Variants in ZFYVE26 observed in about 807,000 individuals in gnomAD.
ZFYVE26 encodes the protein zinc finger FYVE domain-containing protein 26.
A neutral mutation model predicts 276.5 loss-of-function variants in ZFYVE26; 181 were observed. The observed-to-expected ratio is 0.65, with a 90% CI of 0.58 to 0.74. The LOEUF (loss-of-function observed/expected upper bound fraction) is 0.74. ZFYVE26 is among the 30% of genes least tolerant of loss of function. The pLI is 0.00. For synonymous variants in ZFYVE26, 1,129 were observed against 1,203.1 expected (o/e 0.94, Z 1.27); for missense variants, 2,821 against 3,097.9 (o/e 0.91, Z 2.12).
chr14:67,794,111 T>TG, intron 13 of ZFYVE26, 60 bp downstream of exon 13: 1 of 1,552,440 alleles, frequency 6.4e-7, no homozygotes, highest in East Asian at 2.2e-5. Context: ...CCATGGTGTA[T>TG]GGCAACTCTA....
intron 27 of ZFYVE26, among the ~76,000 whole-genome samples, chr14:67,772,628 A>G (rs965435828): frequency 6.6e-6 from 1 of 152,176 alleles, no homozygotes; most frequent in African/African-American, 2.4e-5. Context: ...GAGGCAGGGA[A>G]CCTATTGATT....
chr14:67,789,687 T>C, intron 15 of ZFYVE26, 89 bp from the exon 16 acceptor site: 4 of 1,563,318 alleles, frequency 2.6e-6, no homozygotes, highest in Non-Finnish European at 3.5e-6. Flanking sequence ...TTTCAAAATG[T>C]TTGAGGTTCA....
intron 40 of ZFYVE26, among the ~76,000 whole-genome samples, chr14:67,752,014 G>A (rs553619694): frequency 7.9e-5 from 12 of 152,174 alleles, no homozygotes; most frequent in Non-Finnish European, 1.2e-4. Flanking sequence ...GGACAATTCC[G>A]CAGATAACAG....
At chr14:67,787,661 A>G (rs1187210723) in intron 16 of ZFYVE26, among the ~76,000 whole-genome samples, 1 of 152,204 alleles carries the variant, frequency 6.6e-6, no homozygotes, top group East Asian at 1.9e-4. Flanking sequence ...AGTGATTAAG[A>G]GCTTGAATAA....
chr14:67,804,341 CTT>C (rs1222000644), intron 8 of ZFYVE26, 77 bp from the exon 9 acceptor site: 17 of 1,533,056 alleles, frequency 1.1e-5, no homozygotes, highest in African/African-American at 2.7e-5. Context: ...TCCATTCCCT[CTT>C]GTTCTTCCTC....
chr14:67,793,839 A>G (rs1396554510), intron 13 of ZFYVE26, 80 bp from the exon 14 acceptor site: 2 of 1,578,230 alleles, frequency 1.3e-6, no homozygotes, highest in Non-Finnish European at 1.7e-6. Context: ...CCTCCCACCA[A>G]ACTTTTATCT....
Position 67,769,690 on chromosome 14 carries a change from A to G in ZFYVE26, c.5525T>C (p.Val1842Ala), listed in dbSNP as rs2039154156. The G allele has an allele frequency of 3.7e-6, 6 of 1,614,150 alleles. No individual in the cohort carries two copies. Among genetic ancestry groups the G allele is most frequent in the Non-Finnish European group, 3.4e-6 (4 of 1,180,006 alleles). The change falls in exon 29 of 42, where the codon GTG becomes GCG. Residue 1842 changes from valine (V) to alanine (A), a missense_variant. Physicochemically the swap from Val to Ala is moderately conservative, Grantham distance 64. Transcript: ENST00000347230. ...RHHCRRCGRLVCSSCSTKKMV... is the reference protein window; with the variant it reads ...RHHCRRCGRLACSSCSTKKMV... ...TTTCTTAGTGGAGCAGGAGCTGCAC[A>G]CTAGCCGGCCACAGCGGCGACAATG... is the stretch of plus-strand genomic sequence containing the variant.
Position 67,777,414 on chromosome 14 carries a change from C to G in ZFYVE26, c.4974+145G>C, listed in dbSNP as rs111394992. ...TAGCACAGGCCAGGGATGGCAGGTGCCTGGCAAAAGAGCCATTGAAAAGGC... is the reference window on the plus strand; with the variant it reads ...TAGCACAGGCCAGGGATGGCAGGTGGCTGGCAAAAGAGCCATTGAAAAGGC... On this transcript the variant is annotated intron_variant, in intron 25 of 41. Transcript: ENST00000347230. 1.8e-3 allele frequency: 2,381 copies of G among 1,301,914 alleles called. 34 individuals carry two copies. In the African/African-American group the frequency reaches 0.031, roughly 17 times the overall value. The allele number at this position is 1,301,914 out of a possible 1,614,324, so 80.6% of individuals were successfully genotyped here.
intron 14 of ZFYVE26, among the ~76,000 whole-genome samples, chr14:67,791,842 T>C (rs1006801287): frequency 6.7e-6 from 1 of 150,152 alleles, no homozygotes; most frequent in Non-Finnish European, 1.5e-5. Context: ...GGTGGATCAT[T>C]TGAGGTCAGG....
chr14:67,795,138 G>C (rs1401175532), intron 12 of ZFYVE26, among the ~76,000 whole-genome samples: 1 of 152,204 alleles, frequency 6.6e-6, no homozygotes, highest in Non-Finnish European at 1.5e-5. Context: ...TGCAAGGGAG[G>C]CACCTCAGTT....
chr14:67,798,993 C>T, intron 10 of ZFYVE26: 1 of 1,136,716 alleles, frequency 8.8e-7, no homozygotes, highest in Non-Finnish European at 1.3e-6. Flanking sequence ...TTTACGGATA[C>T]TCTCTGCCCT....
rs576666690 is a variant in ZFYVE26 at position 67,799,574 on chromosome 14, G to C, written c.1640-952C>G. The C allele has an allele frequency of 1.1e-5, 16 of 1,514,958 alleles. No homozygotes were observed. The East Asian group carries it at 3.6e-4, about 34-fold the overall frequency. The allele number at this position is 1,514,958 out of a possible 1,614,324, so 93.8% of individuals were successfully genotyped here. On this transcript the variant is annotated intron_variant, in intron 10 of 41. Coordinates refer to ENST00000347230, the MANE Select transcript of ZFYVE26 (RefSeq NM_015346.4). ...GTACTGCAAGTCTTCCAAAGGAGGA[G>C]GGAAAAAATCTGCTCTCAAGAAATA...
In ZFYVE26 at chr14:67,729,290, C is replaced by T. The variant is rs770465995; in HGVS notation, n.3209G>A. ...TGCCTGCTCTGGCGGCTCTTCTCCCCCTTTGTCAAGACGGCACGGGAGGGG... is the reference window on the plus strand; with the variant it reads ...TGCCTGCTCTGGCGGCTCTTCTCCCTCTTTGTCAAGACGGCACGGGAGGGG... On this transcript the variant is annotated non_coding_transcript_exon_variant, in exon 14 of 15. Transcript: ENST00000394455. 2.2e-5 allele frequency: 35 copies of T among 1,604,394 alleles called. No homozygotes were observed. The highest frequency in any genetic ancestry group is 2.8e-5 in the Non-Finnish European group (33 of 1,179,958).
intron 30 of ZFYVE26, 58 bp from the exon 31 acceptor site, chr14:67,767,898 A>C: frequency 1.2e-6 from 2 of 1,612,992 alleles, no homozygotes; most frequent in Non-Finnish European, 1.7e-6. Context: ...AGTCTAACCC[A>C]GTCCAGTGAG....
chr14:67,804,384 C>T, intron 8 of ZFYVE26, 120 bp from the exon 9 acceptor site: 2 of 1,262,642 alleles, frequency 1.6e-6, no homozygotes. Flanking sequence ...GCTTCCCTTC[C>T]CTACAATCTA....
At chr14:67,797,642 T>C (rs879151296) in intron 12 of ZFYVE26, 30 bp downstream of exon 12, 1 of 1,611,268 alleles carries the variant, frequency 6.2e-7, no homozygotes, top group Non-Finnish European at 8.5e-7. Context: ...ACCACTTGCC[T>C]AGTGCATGGG....
intron 12 of ZFYVE26, chr14:67,797,160 A>G (rs1384943506): frequency 5.9e-6 from 1 of 170,064 alleles, no homozygotes; most frequent in African/African-American, 2.4e-5. Context: ...GGTAATATCT[A>G]TATATGATAC....
In ZFYVE26 at chr14:67,804,151, A is replaced by G. The variant is rs1425771633; in HGVS notation, c.1385T>C (p.Val462Ala). 6.2e-7 allele frequency: 1 copy of G among 1,614,208 alleles called. No homozygotes were observed. Among genetic ancestry groups the G allele is most frequent in the Non-Finnish European group, 8.5e-7 (1 of 1,180,034 alleles). Residue 462 changes from valine (V) to alanine (A), a missense_variant, in exon 9 of 42, where the codon GTT (valine) becomes GCT (alanine). Physicochemically the swap from Val to Ala is moderately conservative, Grantham distance 64. Coordinates refer to ENST00000347230, the MANE Select transcript of ZFYVE26 (RefSeq NM_015346.4). ...TNLPALREED[V>A]LKLLQKVPAK... ...TGGCACTTTCTGTAAGAGCTTGAGA[A>G]CATCTTCCTCCCTGAGGGCTGGAAG...
chr14:67,755,785 A>G (rs527600466), intron 36 of ZFYVE26, among the ~76,000 whole-genome samples, 163 bp downstream of exon 36: 4 of 152,104 alleles, frequency 2.6e-5, no homozygotes, highest in Admixed American at 2.6e-4. Context: ...GGAAATCCTA[A>G]TATTATTTAA....
Sources: allele counts gnomAD v4.1 joint callset (sites outside exome capture counted in the v4.1 genomes callset), GRCh38; gene constraint gnomAD v4.1.1; transcripts MANE v1.5; gene names NCBI Gene and HGNC (gene_info 2026-07-23, HGNC 2026-07-21).